SYNE1: variants seen among roughly 807,000 people sequenced by gnomAD.
SYNE1 encodes nesprin-1.
In SYNE1, 616 loss-of-function variants were observed where a neutral mutation model predicts 1,111.0. That is an observed-to-expected ratio of 0.55 (90% CI 0.52 to 0.59). SYNE1 has a LOEUF of 0.59. Among genes scored for constraint, SYNE1 ranks in the 20% least tolerant of loss-of-function variants. The pLI is 0.00. For synonymous variants in SYNE1, 3,855 were observed against 3,825.8 expected, an observed-to-expected ratio of 1.01 and a Z score of -0.28; for missense variants, 10,006 against 10,417.0, an observed-to-expected ratio of 0.96 and a Z score of 1.72.
chr6:152,171,717 G>A (rs1236043598), intron 130 of SYNE1, among the ~76,000 whole-genome samples: 2 of 152,156 alleles, frequency 1.3e-5, no homozygotes, highest in Admixed American at 1.3e-4. Context: ...TATTTGGTTA[G>A]GGACCATTTT....
rs746249388 is a variant in SYNE1, at chr6:152,132,815, G to A, written c.26001+461C>T. ...TTCTCAAAACCAATAATACCACAAT[G>A]GAGTTGATTGTAGAAAAAAAAATAT... On this transcript the variant is annotated intron_variant, in intron 143 of 145. Coordinates refer to ENST00000367255, the MANE Select transcript of SYNE1 (RefSeq NM_182961.4). 1.7e-4 allele frequency among the ~76,000 whole-genome samples: 26 copies of A among 151,538 alleles called. 1 individual carries two copies. Among genetic ancestry groups the A allele is most frequent in the South Asian group, 1.7e-3 (8 of 4,802 alleles).
chr6:152,465,954 T>C, intron 17 of SYNE1, 28 bp downstream of exon 17: 6 of 1,512,698 alleles, frequency 4.0e-6, no homozygotes, highest in Non-Finnish European at 5.5e-6. Flanking sequence ...GCAGTCTACG[T>C]TGCAACAAAT....
chr6:152,307,588 T>C (rs904120385), intron 91 of SYNE1, among the ~76,000 whole-genome samples: 2 of 151,688 alleles, frequency 1.3e-5, no homozygotes, highest in Admixed American at 6.6e-5. Flanking sequence ...GGAAAGGAAA[T>C]TCCCTGCTAA....
intron 121 of SYNE1, 130 bp downstream of exon 121, chr6:152,218,127 G>A: frequency 1.9e-6 from 2 of 1,055,112 alleles, no homozygotes; most frequent in Middle Eastern, 2.9e-4. Context: ...GGAAAGCAGA[G>A]GTTGCAGTGA....
At chr6:152,305,485 A>G (rs966568799) in intron 91 of SYNE1, among the ~76,000 whole-genome samples, 1 of 152,076 alleles carries the variant, frequency 6.6e-6, no homozygotes, top group Non-Finnish European at 1.5e-5. Context: ...GGCTGGTCTC[A>G]AACTCCTGAC....
intron 129 of SYNE1, among the ~76,000 whole-genome samples, chr6:152,178,132 A>G (rs2066945890): frequency 6.6e-6 from 1 of 152,168 alleles, no homozygotes; most frequent in Non-Finnish European, 1.5e-5. Flanking sequence ...AATGTAATAA[A>G]ATTATCTATA....
rs2098160241 is a variant in SYNE1, at chr6:152,416,684, G to A, written c.5753C>T (p.Ala1918Val). The A allele has an allele frequency of 6.2e-7, 1 of 1,614,118 alleles. No individual in the cohort carries two copies. The highest frequency in any genetic ancestry group is 8.5e-7 in the Non-Finnish European group (1 of 1,180,046). The change falls in exon 41 of 146, where the codon GCA becomes GTA. Residue 1918 changes from alanine (A) to valine (V), a missense_variant. Ala to Val is a moderately conservative substitution (Grantham distance 64, BLOSUM62 0). Coordinates refer to ENST00000367255, the MANE Select transcript of SYNE1 (RefSeq NM_182961.4). ...CAGACTGACGGCAGCAGATTCTAAT[G>A]CTTTAGCATTTTGAAGAGCATCATT... is the stretch of plus-strand genomic sequence containing the variant. ...DLNDALQNAKALESAAVSLDG... is the reference protein window; with the variant it reads ...DLNDALQNAKVLESAAVSLDG...
rs116167316 is a variant in SYNE1, at chr6:152,169,259, G to A, written c.23628-4934C>T. ...CTGTTTTTAAAACAGAACACTACAG[G>A]AAACACATTTTCTTAATAAAAGAAA... On this transcript the variant is annotated intron_variant, in intron 130 of 145. Coordinates refer to ENST00000367255, the MANE Select transcript of SYNE1 (RefSeq NM_182961.4). Among the ~76,000 whole-genome samples the A allele has an allele frequency of 9.0e-3, 1,363 of 152,106 alleles. 19 individuals carry two copies. The highest frequency in any genetic ancestry group is 0.031 in the African/African-American group (1,302 of 41,476).
At chr6:152,342,727 C>T (rs947912187) in intron 74 of SYNE1, among the ~76,000 whole-genome samples, 1 of 152,150 alleles carries the variant, frequency 6.6e-6, no homozygotes, top group Admixed American at 6.5e-5. Context: ...ACACTGCATA[C>T]AAAAGCTGCT....
intron 104 of SYNE1, among the ~76,000 whole-genome samples, chr6:152,253,382 A>G (rs891852406): frequency 1.2e-4 from 19 of 152,298 alleles, no homozygotes; most frequent in African/African-American, 4.6e-4. Flanking sequence ...TGTATCAGGC[A>G]CTGTTCAGAG....
chr6:152,278,914 T>C (rs2093827370), intron 97 of SYNE1, among the ~76,000 whole-genome samples: 1 of 152,170 alleles, frequency 6.6e-6, no homozygotes, highest in South Asian at 2.1e-4. Flanking sequence ...ATCACAGACA[T>C]GTGACACCAC....
intron 59 of SYNE1, among the ~76,000 whole-genome samples, chr6:152,371,840 C>CAGGAAAGGAAAGGAAAGGAA (rs2097188502): frequency 1.8e-5 from 1 of 57,032 alleles, no homozygotes; most frequent in African/African-American, 6.6e-5. Flanking sequence ...CAGGACAGGA[C>CAGGAAAGGAAAGGAAAGGAA]AGGACAGGAA....
At chr6:152,563,241 C>T (rs973452705) in intron 3 of SYNE1, among the ~76,000 whole-genome samples, 6 of 152,042 alleles carry the variant, frequency 3.9e-5, no homozygotes, top group African/African-American at 1.4e-4. Context: ...ACAGCTTTCA[C>T]CAAGGGAACT....
chr6:152,326,670 T>C, intron 78 of SYNE1, 37 bp from the exon 79 acceptor site: 1 of 1,587,050 alleles, frequency 6.3e-7, no homozygotes, highest in Non-Finnish European at 8.6e-7. Context: ...TCAACTCTCC[T>C]TTGCAATGTG....
At chr6:152,465,854 TCTC>T (rs2098762958) in intron 17 of SYNE1, 125 bp downstream of exon 17, 1 of 704,782 alleles carries the variant, frequency 1.4e-6, no homozygotes, top group Non-Finnish European at 2.5e-6. Context: ...CAGTATGTGT[TCTC>T]CTGGCCAATG....
chr6:152,396,710 T>G, intron 50 of SYNE1, 65 bp downstream of exon 50: 1 of 1,434,104 alleles, frequency 7.0e-7, no homozygotes, highest in Non-Finnish European at 9.8e-7. Flanking sequence ...ACATGACTCT[T>G]TTCTCTAAGC....
At chr6:152,564,386 G>A (rs1436507549) in intron 3 of SYNE1, among the ~76,000 whole-genome samples, 3 of 152,170 alleles carry the variant, frequency 2.0e-5, no homozygotes, top group East Asian at 1.9e-4. Context: ...GCATGCTCTC[G>A]GCTCACTATA....
intron 108 of SYNE1, among the ~76,000 whole-genome samples, chr6:152,238,899 C>T (rs1156433327): frequency 6.6e-6 from 1 of 150,560 alleles, no homozygotes; most frequent in Non-Finnish European, 1.5e-5. Flanking sequence ...ATTTTACTTT[C>T]ATTTTTTTTT....
chr6:152,524,742 G>A (rs1594669698), intron 5 of SYNE1, among the ~76,000 whole-genome samples: 1 of 152,232 alleles, frequency 6.6e-6, no homozygotes, highest in East Asian at 1.9e-4. Flanking sequence ...AGCTAACAAA[G>A]GATGTGCTAT....
Sources: allele counts gnomAD v4.1 joint callset (sites outside exome capture counted in the v4.1 genomes callset), GRCh38; gene constraint gnomAD v4.1.1; transcripts MANE v1.5; gene names NCBI Gene and HGNC (gene_info 2026-07-23, HGNC 2026-07-21).